Variants in THSD7B observed in about 807,000 individuals in gnomAD.
The protein encoded by THSD7B is thrombospondin type-1 domain-containing protein 7B.
A neutral mutation model predicts 213.6 loss-of-function variants in THSD7B; 138 were observed. The ratio of observed to expected loss-of-function variants is 0.65; its 90% CI spans 0.56 to 0.74. The LOEUF is 0.74. THSD7B is among the 30% of genes least tolerant of loss of function. The pLI, the probability that THSD7B is intolerant of heterozygous loss-of-function variation, is 0.00. For synonymous variants in THSD7B, 742 were observed against 687.0 expected, an observed-to-expected ratio of 1.08 and a Z score of -1.25; for missense variants, 1,931 against 1,991.5, an observed-to-expected ratio of 0.97 and a Z score of 0.58.
chr2:137,676,683 T>C lies in THSD7B; in HGVS notation c.*78T>C. The C allele has an allele frequency of 7.6e-7, 1 of 1,311,752 alleles. No homozygotes were observed. Among genetic ancestry groups the C allele is most frequent in the Non-Finnish European group, 1.0e-6 (1 of 970,976 alleles). 81.3% of individuals were successfully genotyped at this position (1,311,752 alleles called of 1,614,324 possible). ...TTGTAGCTCTCAGACTTCTCAGTTT[T>C]TTGAGGAATCTCAAGATGTGATATA... On this transcript the variant is annotated 3_prime_UTR_variant, in exon 28 of 28. Transcript: ENST00000409968.
At chr2:137,004,595 T>C (rs1372816268) in intron 2 of THSD7B, among the ~76,000 whole-genome samples, 1 of 152,192 alleles carries the variant, frequency 6.6e-6, no homozygotes, top group Non-Finnish European at 1.5e-5. Context: ...TATGGTCCTA[T>C]ACCAAACTTT....
intron 2 of THSD7B, among the ~76,000 whole-genome samples, chr2:137,054,561 G>A (rs894471622): frequency 6.6e-6 from 1 of 152,120 alleles, no homozygotes; most frequent in Non-Finnish European, 1.5e-5. Flanking sequence ...ATGTGATTAC[G>A]TACATGTCTA....
chr2:137,107,031 C>A (rs1688266497), intron 4 of THSD7B, among the ~76,000 whole-genome samples: 1 of 152,096 alleles, frequency 6.6e-6, no homozygotes, highest in Admixed American at 6.6e-5. Flanking sequence ...CCCAGCAATC[C>A]CATTACTGGG....
At chr2:137,634,151 T>C (rs947455313) in intron 20 of THSD7B, among the ~76,000 whole-genome samples, 1 of 152,168 alleles carries the variant, frequency 6.6e-6, no homozygotes, top group African/African-American at 2.4e-5. Flanking sequence ...GGAAAGACCA[T>C]CATTAACTTC....
intron 15 of THSD7B, among the ~76,000 whole-genome samples, chr2:137,513,896 A>G (rs1377623016): frequency 1.3e-5 from 2 of 152,242 alleles, no homozygotes; most frequent in Non-Finnish European, 2.9e-5. Context: ...TGCCAGACAC[A>G]CATACTTTGT....
chr2:137,278,306 C>T (rs1487427079), intron 12 of THSD7B, among the ~76,000 whole-genome samples: 1 of 152,074 alleles, frequency 6.6e-6, no homozygotes, highest in Non-Finnish European at 1.5e-5. Context: ...GAGTAAACAC[C>T]ATGATCTCTC....
At chr2:136,934,325 T>G (rs1413744753) in intron 2 of THSD7B, among the ~76,000 whole-genome samples, 1 of 152,200 alleles carries the variant, frequency 6.6e-6, no homozygotes, top group African/African-American at 2.4e-5. Context: ...TCACATTATT[T>G]TTGGCTGAAA....
At chr2:137,529,772 A>T (rs1375359) in intron 15 of THSD7B, among the ~76,000 whole-genome samples, 25,353 of 151,844 alleles carry the variant, frequency 0.17, 2,247 homozygotes, top group South Asian at 0.28. Context: ...TTCCCTGCTG[A>T]GATTGAGATG....
At chr2:136,805,173 C>T (rs1298405673) in intron 1 of THSD7B, among the ~76,000 whole-genome samples, 1 of 152,112 alleles carries the variant, frequency 6.6e-6, no homozygotes, top group Non-Finnish European at 1.5e-5. Flanking sequence ...CTTCAGGCTC[C>T]TTTACCTATT....
At chr2:137,653,642 G>A (rs146270276) in intron 21 of THSD7B, among the ~76,000 whole-genome samples, 40 of 149,792 alleles carry the variant, frequency 2.7e-4, no homozygotes, top group Admixed American at 2.3e-3. Flanking sequence ...CTCTGACTGT[G>A]TATTTTCAGA....
rs144883064 is a variant in THSD7B at position 136,854,305 on chromosome 2, G to A, written c.-35-27839G>A. 9.3e-3 allele frequency among the ~76,000 whole-genome samples: 1,411 copies of A among 152,086 alleles called. 12 individuals are homozygous for A. The highest frequency in any genetic ancestry group is 0.034 in the Middle Eastern group (10 of 294). Reference sequence around the variant, plus strand: ...TTTTGTTCTATGAATTTATACCAATGTTCTCAACTCCAGTTGAAAATTTTG... The same window carrying A: ...TTTTGTTCTATGAATTTATACCAATATTCTCAACTCCAGTTGAAAATTTTG... On this transcript the variant is annotated intron_variant, in intron 1 of 27. Coordinates refer to ENST00000409968, the MANE Select transcript of THSD7B (RefSeq NM_001316349.2).
intron 2 of THSD7B, among the ~76,000 whole-genome samples, chr2:136,996,817 G>A (rs370340685): frequency 3.9e-5 from 6 of 152,126 alleles, no homozygotes; most frequent in African/African-American, 7.2e-5. Flanking sequence ...ATAAATGATC[G>A]AGAGAGCTGT....
chr2:137,039,830 G>C (rs970084225), intron 2 of THSD7B, among the ~76,000 whole-genome samples: 2 of 152,152 alleles, frequency 1.3e-5, no homozygotes, highest in Non-Finnish European at 2.9e-5. Context: ...CTTTGCTTTG[G>C]GTATTTGGAA....
chr2:137,353,653 G>A (rs1238240717), intron 12 of THSD7B, among the ~76,000 whole-genome samples: 1 of 152,074 alleles, frequency 6.6e-6, no homozygotes, highest in Non-Finnish European at 1.5e-5. Flanking sequence ...GTTTTGCAGT[G>A]AGAATTCACT....
chr2:137,173,235 C>T (rs772037793), intron 7 of THSD7B, among the ~76,000 whole-genome samples: 7 of 152,076 alleles, frequency 4.6e-5, no homozygotes, highest in Non-Finnish European at 5.9e-5. Flanking sequence ...AAGAATTGGT[C>T]GAAGAGCATT....
chr2:136,901,251 A>G (rs180928043), intron 2 of THSD7B, among the ~76,000 whole-genome samples: 164 of 152,384 alleles, frequency 1.1e-3, no homozygotes, highest in Middle Eastern at 6.8e-3. Context: ...AAAGCAAGAC[A>G]TAGCTACTGT....
chr2:137,513,538 T>C (rs984537894), intron 15 of THSD7B, among the ~76,000 whole-genome samples: 11 of 152,226 alleles, frequency 7.2e-5, no homozygotes, highest in African/African-American at 2.4e-4. Flanking sequence ...ATTTTATAAT[T>C]TGAAGTTTTT....
Position 136,814,976 on chromosome 2 carries a change from T to A in THSD7B, c.-36+49289T>A, listed in dbSNP as rs538491066. Among the ~76,000 whole-genome samples, 6 of 152,212 alleles carry A rather than the reference T, an allele frequency of 3.9e-5. No homozygotes were observed. The South Asian group carries it at 1.2e-3, about 31-fold the overall frequency. ...CATATTCAAATTTTAGTGTTTGTGGTCAAGTTTTATTGGAATGCAGCCATG... is the reference window on the plus strand; with the variant it reads ...CATATTCAAATTTTAGTGTTTGTGGACAAGTTTTATTGGAATGCAGCCATG... On this transcript the variant is annotated intron_variant, in intron 1 of 27. Transcript: ENST00000409968.
intron 15 of THSD7B, among the ~76,000 whole-genome samples, chr2:137,483,773 C>A (rs970599943): frequency 1.3e-5 from 2 of 152,030 alleles, no homozygotes. Context: ...CAGAAGCCCC[C>A]GCTGGTGGCA....
Sources: gnomAD v4.1 joint callset for allele counts (sites outside exome capture counted in the v4.1 genomes callset) on GRCh38, gnomAD v4.1.1 for gene constraint, MANE v1.5 for transcripts, NCBI Gene and HGNC (gene_info 2026-07-23, HGNC 2026-07-21) for gene names.